The following GRB14 variants were observed in gnomAD, a reference collection of about 807,000 sequenced individuals.
GRB14 encodes growth factor receptor-bound protein 14.
A neutral mutation model predicts 69.1 loss-of-function variants in GRB14; 38 were observed. That is an observed-to-expected ratio of 0.55 (90% CI 0.42 to 0.72). The LOEUF (loss-of-function observed/expected upper bound fraction) is 0.72, where lower values mean the gene tolerates loss of function less well. GRB14 is among the 30% of genes least tolerant of loss of function. The pLI, the probability that GRB14 is intolerant of heterozygous loss-of-function variation, is 0.00. For synonymous variants in GRB14, 247 were observed against 241.3 expected (o/e 1.02, Z -0.22); for missense variants, 666 against 666.1 (o/e 1.00, Z 0.00).
chr2:164,521,544 T>A (rs1687634067), intron 6 of GRB14, among the ~76,000 whole-genome samples: 1 of 152,008 alleles, frequency 6.6e-6, no homozygotes, highest in Non-Finnish European at 1.5e-5. Context: ...AAAAGAGCAA[T>A]AAATGACTCA....
At chr2:164,616,949 T>C (rs1357864064) in intron 2 of GRB14, among the ~76,000 whole-genome samples, 2 of 152,284 alleles carry the variant, frequency 1.3e-5, no homozygotes, top group East Asian at 1.9e-4. Context: ...AAAAACAGCA[T>C]CTTGTAAAAG....
At chr2:164,617,928 C>G (rs924867715) in intron 2 of GRB14, among the ~76,000 whole-genome samples, 1 of 134,304 alleles carries the variant, frequency 7.4e-6, no homozygotes, top group Non-Finnish European at 1.5e-5. Flanking sequence ...TTTTCTTACT[C>G]TGGCTCAAGG....
At chr2:164,558,300 A>C (rs1479269532) in intron 2 of GRB14, among the ~76,000 whole-genome samples, 4 of 152,220 alleles carry the variant, frequency 2.6e-5, no homozygotes, top group Non-Finnish European at 5.9e-5. Flanking sequence ...AGAGAAATTC[A>C]AGCCCTTTCA....
rs556126181 is a variant in GRB14, at chr2:164,540,453, A to G, written c.481+7207T>C. ...GTGAAACCCTGTCTCTACTAAAAAT[A>G]CAAAAATTAGCTGGGTGTGGTGTCA... is the stretch of plus-strand genomic sequence containing the variant. On this transcript the variant is annotated intron_variant, in intron 3 of 13. Transcript: ENST00000263915. Among the ~76,000 whole-genome samples the G allele has an allele frequency of 1.8e-3, 268 of 152,214 alleles. 2 individuals carry two copies. Among genetic ancestry groups the G allele is most frequent in the Non-Finnish European group, 3.0e-3 (203 of 68,014 alleles).
intron 2 of GRB14, among the ~76,000 whole-genome samples, chr2:164,612,609 T>G (rs928171479): frequency 2.6e-5 from 4 of 152,250 alleles, no homozygotes; most frequent in African/African-American, 9.6e-5. Flanking sequence ...AAGCATATAC[T>G]TATACAATAG....
chr2:164,533,827 T>C (rs1688014543), intron 3 of GRB14, among the ~76,000 whole-genome samples: 1 of 152,158 alleles, frequency 6.6e-6, no homozygotes, highest in African/African-American at 2.4e-5. Context: ...GCGTAATGTG[T>C]ATGGTTACCA....
At chr2:164,589,792 T>A (rs1689618715) in intron 2 of GRB14, among the ~76,000 whole-genome samples, 1 of 152,278 alleles carries the variant, frequency 6.6e-6, no homozygotes, top group South Asian at 2.1e-4. Context: ...CTTACTTCAC[T>A]TGGACCACTA....
intron 2 of GRB14, among the ~76,000 whole-genome samples, chr2:164,560,590 G>A (rs928042223): frequency 7.2e-5 from 11 of 151,964 alleles, no homozygotes; most frequent in Admixed American, 7.2e-4. Flanking sequence ...AAGAAGGATT[G>A]GGGGGGCATA....
rs1301198173 is a variant in GRB14, at chr2:164,547,729, T to G, written c.412A>C (p.Ile138Leu). 1 of 1,613,708 alleles carries G rather than the reference T, an allele frequency of 6.2e-7. No individual in the cohort carries two copies. The highest frequency in any genetic ancestry group is 8.5e-7 in the Non-Finnish European group (1 of 1,179,826). ...TCATCAATGTAATGATTCTTCAGGA[T>G]CAACAGCTGACAAACATCTCGAGCC... is the stretch of plus-strand genomic sequence containing the variant. ...ITARDVCQLL[I>L]LKNHYIDDHS... The change falls in exon 3 of 14, where the codon ATC becomes CTC. Residue 138 changes from isoleucine (I) to leucine (L), a missense_variant. Physicochemically the swap from Ile to Leu is conservative, Grantham distance 5 (BLOSUM62 2). Transcript: ENST00000263915.
chr2:164,573,909 T>C (rs1689181412), intron 2 of GRB14: 2 of 1,612,296 alleles, frequency 1.2e-6, no homozygotes, highest in Admixed American at 3.3e-5. Context: ...TTAGGTCATG[T>C]GGTTATGGGT....
Position 164,607,218 on chromosome 2 carries a change from C to T in GRB14, c.324+12469G>A, listed in dbSNP as rs749180067. On this transcript the variant is annotated intron_variant, in intron 2 of 13. Transcript: ENST00000263915. ...TATCATTTATATTAAAATATCAGTA[C>T]GTTTCCAAATATTCTCTCCCTTAAT... is the stretch of plus-strand genomic sequence containing the variant. Among the ~76,000 whole-genome samples the T allele has an allele frequency of 2.6e-5, 4 of 152,144 alleles. 1 individual carries two copies. Among genetic ancestry groups the T allele is most frequent in the Admixed American group, 6.5e-5 (1 of 15,280 alleles).
chr2:164,564,700 A>G (rs1045768353), intron 2 of GRB14, among the ~76,000 whole-genome samples: 1 of 152,228 alleles, frequency 6.6e-6, no homozygotes, highest in Non-Finnish European at 1.5e-5. Flanking sequence ...GAAGAATGCA[A>G]AAATGTTTGC....
chr2:164,532,216 TA>T (rs1012949658), intron 3 of GRB14, among the ~76,000 whole-genome samples: 4 of 152,296 alleles, frequency 2.6e-5, no homozygotes, highest in African/African-American at 9.6e-5. Context: ...CTGCATTGAT[TA>T]TTTTCCCCAA....
intron 9 of GRB14, among the ~76,000 whole-genome samples, chr2:164,501,967 A>T (rs1233796672): frequency 6.6e-6 from 1 of 151,986 alleles, no homozygotes; most frequent in Admixed American, 6.6e-5. Flanking sequence ...TGTTGTAATG[A>T]CACAGAAAGA....
At chr2:164,579,324 A>C (rs1264104436) in intron 2 of GRB14, among the ~76,000 whole-genome samples, 1 of 152,234 alleles carries the variant, frequency 6.6e-6, no homozygotes, top group Admixed American at 6.5e-5. Context: ...ACTGAAATAA[A>C]TTTGAGCTAT....
chr2:164,581,322 G>C (rs1689398897), intron 2 of GRB14, among the ~76,000 whole-genome samples: 1 of 152,090 alleles, frequency 6.6e-6, no homozygotes, highest in African/African-American at 2.4e-5. Context: ...TTATGTTAAT[G>C]GTCCTGATCA....
chr2:164,568,269 A>G (rs1171089264), intron 2 of GRB14: 1 of 1,193,130 alleles, frequency 8.4e-7, no homozygotes, highest in Admixed American at 2.3e-5. Context: ...GGGGAAAAAA[A>G]GCAGCAAGAA....
intron 3 of GRB14, among the ~76,000 whole-genome samples, chr2:164,546,240 C>T (rs1688369769): frequency 6.6e-6 from 1 of 152,178 alleles, no homozygotes; most frequent in Non-Finnish European, 1.5e-5. Context: ...CTTGTTTCTA[C>T]TTTGCGCTAC....
At chr2:164,610,855 T>C (rs1225280730) in intron 2 of GRB14, among the ~76,000 whole-genome samples, 8 of 126,224 alleles carry the variant, frequency 6.3e-5, no homozygotes. Context: ...AACTGAGAAA[T>C]GTGATGGGAA....
Sources: allele counts gnomAD v4.1 joint callset (sites outside exome capture counted in the v4.1 genomes callset), GRCh38; gene constraint gnomAD v4.1.1; transcripts MANE v1.5; gene names NCBI Gene and HGNC (gene_info 2026-07-23, HGNC 2026-07-21).